BABAM2: variants seen among roughly 807,000 people sequenced by gnomAD.
The protein encoded by BABAM2 is BRISC and BRCA1 A complex member 2.
Under a neutral mutation model 54.7 loss-of-function variants are expected in BABAM2, and 31 were observed. The observed-to-expected ratio is 0.57, with a 90% CI of 0.43 to 0.77. The LOEUF (loss-of-function observed/expected upper bound fraction) is 0.77, where lower values mean the gene tolerates loss of function less well. Among genes scored for constraint, BABAM2 ranks in the 30% least tolerant of loss-of-function variants. BABAM2 has a pLI of 0.00. For missense variants in BABAM2, 364 were observed against 455.8 expected, an observed-to-expected ratio of 0.80 and a Z score of 1.83; for synonymous variants, 167 against 162.9, an observed-to-expected ratio of 1.03 and a Z score of -0.19.
At chr2:27,961,258 G>A (rs1188588370) in intron 3 of BABAM2, among the ~76,000 whole-genome samples, 3 of 152,100 alleles carry the variant, frequency 2.0e-5, no homozygotes, top group East Asian at 1.9e-4. Flanking sequence ...GACAACAGAC[G>A]GTCCGATCCT....
At chr2:27,891,123 A>G (rs1054604223) in intron 1 of BABAM2, 1 of 152,238 alleles carries the variant, frequency 6.6e-6, no homozygotes, top group African/African-American at 2.4e-5. Context: ...ACAGTTTGGA[A>G]GAGGGGAGAG....
chr2:28,021,723 C>A (rs921865565), intron 4 of BABAM2, among the ~76,000 whole-genome samples: 21 of 151,890 alleles, frequency 1.4e-4, no homozygotes, highest in Non-Finnish European at 2.6e-4. Flanking sequence ...GTACCTTATC[C>A]TTTTATTAGT....
intron 7 of BABAM2, among the ~76,000 whole-genome samples, chr2:28,170,335 T>G (rs1674187238): frequency 6.6e-6 from 1 of 152,016 alleles, no homozygotes; most frequent in Admixed American, 6.6e-5. Flanking sequence ...TTTTAATTTT[T>G]CTCTTTGCTT....
chr2:28,236,097 CA>C lies in BABAM2; in HGVS notation c.681-1103del, dbSNP rs755934057. Among the ~76,000 whole-genome samples the C allele has an allele frequency of 5.9e-5, 9 of 152,070 alleles. No homozygotes were observed. In the East Asian group the frequency reaches 9.6e-4, roughly 16 times the overall value. ...TAATCACAACATTAAGAAGTAATCA[CA>C]ACATTAAGGGATTTTAGGGATTTTT... On this transcript the variant is annotated intron_variant, in intron 7 of 11. Coordinates refer to ENST00000379624, the MANE Select transcript of BABAM2 (RefSeq NM_199191.3).
chr2:28,007,285 C>T (rs1375039331), intron 4 of BABAM2, among the ~76,000 whole-genome samples: 1 of 152,004 alleles, frequency 6.6e-6, no homozygotes, highest in Non-Finnish European at 1.5e-5. Flanking sequence ...CTTATATTTA[C>T]TCATGTGCAC....
intron 4 of BABAM2, among the ~76,000 whole-genome samples, chr2:27,998,980 A>G (rs1210936203): frequency 2.0e-5 from 3 of 152,212 alleles, no homozygotes; most frequent in African/African-American, 7.2e-5. Context: ...TAAAAGGGAA[A>G]TATTGTAGCA....
In BABAM2 at chr2:28,026,977, TAA is replaced by T. The variant is rs1491191477; in HGVS notation, c.495+1559_495+1560del. Among the ~76,000 whole-genome samples the T allele has an allele frequency of 3.0e-4, 32 of 105,396 alleles. 1 individual carries two copies. The highest frequency in any genetic ancestry group is 5.0e-4 in the Non-Finnish European group (28 of 56,336). The allele number at this position is 105,396 out of a possible 152,430, so 69.1% of individuals were successfully genotyped here. A position where few individuals can be genotyped will look rare whatever the true frequency, so the allele number is the denominator to read the frequency against. On this transcript the variant is annotated intron_variant, in intron 5 of 11. Transcript: ENST00000379624. Reference sequence around the variant, plus strand: ...ATATATAAATATATATATAAATATATAAATATATATAAAAATATATAAATATA... The same window carrying T: ...ATATATAAATATATATATAAATATATATATATATAAAAATATATAAATATA...
rs1054962544 is a variant in BABAM2, at chr2:27,995,817, T to C, written c.300+7730T>C. ...GGATGGTCTCCATCTCCTGACCTCA[T>C]GATCTGCCCACCTCGGCCTCCCAAA... On this transcript the variant is annotated intron_variant, in intron 4 of 11. Transcript: ENST00000379624. The surrounding 1 kb of genome is among the most constrained non-coding windows in gnomAD (Gnocchi z 4.1). 1.3e-5 allele frequency among the ~76,000 whole-genome samples: 2 copies of C among 152,126 alleles called. No individual in the cohort carries two copies. Among genetic ancestry groups the C allele is most frequent in the Non-Finnish European group, 2.9e-5 (2 of 68,008 alleles).
intron 2 of BABAM2, among the ~76,000 whole-genome samples, chr2:27,900,105 G>A (rs1204325744): frequency 6.6e-6 from 1 of 152,124 alleles, no homozygotes. Flanking sequence ...TGTCACTTTT[G>A]GCATTCCTTT....
chr2:28,181,079 T>C (rs957106369), intron 7 of BABAM2, among the ~76,000 whole-genome samples: 5 of 152,142 alleles, frequency 3.3e-5, no homozygotes, highest in Non-Finnish European at 7.4e-5. Flanking sequence ...GAAATAGAAC[T>C]TCCACGTGAT....
Position 28,122,242 on chromosome 2 carries a change from A to G in BABAM2, c.571-7029A>G, listed in dbSNP as rs140385634. Among the ~76,000 whole-genome samples the G allele has an allele frequency of 2.7e-3, 407 of 152,206 alleles. 2 individuals carry two copies. The highest frequency in any genetic ancestry group is 8.2e-3 in the African/African-American group (342 of 41,536). ...ATAACTTTTGTATGATGAAGTACTT[A>G]CCTAGACCTAGTTTTTGGTTACTCG... On this transcript the variant is annotated intron_variant, in intron 6 of 11. Transcript: ENST00000379624.
chr2:28,241,492 C>T, intron 9 of BABAM2, 99 bp downstream of exon 9: 1 of 1,086,908 alleles, frequency 9.2e-7, no homozygotes, highest in Non-Finnish European at 1.4e-6. Context: ...TTAGTTCTTA[C>T]ACATGATACC....
intron 6 of BABAM2, among the ~76,000 whole-genome samples, chr2:28,117,534 T>C (rs900533601): frequency 1.3e-5 from 2 of 151,972 alleles, no homozygotes; most frequent in Admixed American, 1.3e-4. Context: ...GAACTAAGGG[T>C]GTGGATGCTG....
intron 3 of BABAM2, among the ~76,000 whole-genome samples, chr2:27,940,795 G>T (rs1286770815): frequency 1.3e-5 from 2 of 152,204 alleles, no homozygotes; most frequent in Non-Finnish European, 2.9e-5. Context: ...AGAAAGGACA[G>T]CCAGGTTCTC....
chr2:28,060,490 G>A (rs999329709), intron 6 of BABAM2, among the ~76,000 whole-genome samples: 5 of 152,102 alleles, frequency 3.3e-5, no homozygotes, highest in Non-Finnish European at 2.9e-5. Context: ...GGGGGGCCTG[G>A]CCAGAGCAAT....
chr2:28,131,878 A>G (rs12471457), intron 7 of BABAM2, among the ~76,000 whole-genome samples: 34,049 of 152,078 alleles, frequency 0.22, 5,138 homozygotes, highest in East Asian at 0.55. Context: ...AACAATCGCA[A>G]GATGTGGGCA....
chr2:28,055,382 A>G (rs1225808842), intron 6 of BABAM2, among the ~76,000 whole-genome samples: 1 of 152,204 alleles, frequency 6.6e-6, no homozygotes, highest in African/African-American at 2.4e-5. Flanking sequence ...CACCTGTATA[A>G]CAAACCTGCA....
chr2:27,978,857 A>G (rs1008351317), intron 3 of BABAM2, among the ~76,000 whole-genome samples: 1 of 151,898 alleles, frequency 6.6e-6, no homozygotes, highest in Non-Finnish European at 1.5e-5. Context: ...GTATACTCCA[A>G]TGTTTAGCTT....
At chr2:28,004,297 G>A (rs1673796335) in intron 4 of BABAM2, among the ~76,000 whole-genome samples, 1 of 152,174 alleles carries the variant, frequency 6.6e-6, no homozygotes, top group Non-Finnish European at 1.5e-5. Flanking sequence ...CTGGTTTGAT[G>A]TAATCCTTTA....
Sources: gnomAD v4.1 joint callset for allele counts (sites outside exome capture counted in the v4.1 genomes callset) on GRCh38, gnomAD v4.1.1 for gene constraint, Gnocchi (gnomAD v3.1) non-coding constraint, MANE v1.5 for transcripts, NCBI Gene and HGNC (gene_info 2026-07-23, HGNC 2026-07-21) for gene names.